The following CLSTN1 variants were observed in gnomAD, a reference collection of about 807,000 sequenced individuals.
The protein encoded by CLSTN1 is calsyntenin-1.
In CLSTN1, 28 loss-of-function variants were observed where a neutral mutation model predicts 108.3. The ratio of observed to expected loss-of-function variants is 0.26; its 90% confidence interval spans 0.19 to 0.35. CLSTN1 has a LOEUF of 0.35. Ranked by LOEUF, CLSTN1 falls within the 10% of genes least tolerant of loss-of-function variation. The pLI is 1.00. For synonymous variants in CLSTN1, 524 were observed against 534.9 expected, an observed-to-expected ratio of 0.98 and a Z score of 0.28; for missense variants, 1,157 against 1,302.6, an observed-to-expected ratio of 0.89 and a Z score of 1.72.
intron 1 of CLSTN1, among the ~76,000 whole-genome samples, chr1:9,775,282 T>G (rs1003492707): frequency 3.3e-5 from 5 of 151,750 alleles, no homozygotes; most frequent in African/African-American, 1.2e-4. Context: ...CTGGTTCAAA[T>G]GCCTCTGACA....
At position 9,741,096 on chromosome 1, in the gene CLSTN1, T is replaced by C; in HGVS notation, c.1517A>G (p.Gln506Arg). 1 of 1,612,588 alleles carries C rather than the reference T, an allele frequency of 6.2e-7. No homozygotes were observed. Among genetic ancestry groups the C allele is most frequent in the East Asian group, 2.2e-5 (1 of 44,848 alleles). The change falls in exon 10 of 19, where the codon CAA becomes CGA. Residue 506 changes from glutamine to arginine, a missense_variant and splice_region_variant. Gln to Arg is a conservative substitution (Grantham distance 43, BLOSUM62 1). Coordinates refer to ENST00000377298, the MANE Select transcript of CLSTN1 (RefSeq NM_001009566.3). ...ETQLVVGACW[Q>R]EFSGVENDNE... is the part of the protein sequence containing the mutation. ...GGGCGGGGGGTAATGACAGGTACCT[T>C]GCCAGCAAGCCCCCACCACGAGCTG...
At chr1:9,757,291 G>C (rs1651862395) in intron 2 of CLSTN1, among the ~76,000 whole-genome samples, 2 of 150,768 alleles carry the variant, frequency 1.3e-5, no homozygotes, top group Non-Finnish European at 3.0e-5. Context: ...GCCCAGACTG[G>C]AGTGCAGTGG....
rs941667451 is a variant in CLSTN1, at chr1:9,734,650, G to A, written c.2110+298C>T. On this transcript the variant is annotated intron_variant, in intron 14 of 18. Coordinates refer to ENST00000377298, the MANE Select transcript of CLSTN1 (RefSeq NM_001009566.3). This position sits in a 1 kb window ranked among gnomAD's most constrained non-coding sequence, Gnocchi z 4.8. ...GGGGACATTGTGCCTCCATGGGCTG[G>A]CCAGCCTGGCAGGTGCAAGCAGTGT... Among the ~76,000 whole-genome samples the A allele has an allele frequency of 4.0e-5, 6 of 151,658 alleles. No individual in the cohort carries two copies. Among genetic ancestry groups the A allele is most frequent in the Admixed American group, 2.6e-4 (4 of 15,258 alleles).
At position 9,730,378 on chromosome 1, in the gene CLSTN1, G is replaced by T; in HGVS notation, c.*130C>A. 1.2e-6 allele frequency: 1 copy of T among 826,112 alleles called. No individual in the cohort carries two copies. The highest frequency in any genetic ancestry group is 2.0e-6 in the Non-Finnish European group (1 of 497,544). The allele number at this position is 826,112 out of a possible 1,614,324, so 51.2% of individuals were successfully genotyped here. On this transcript the variant is annotated 3_prime_UTR_variant, in exon 19 of 19. Transcript: ENST00000377298. This position sits in a 1 kb window ranked among gnomAD's most constrained non-coding sequence, Gnocchi z 5.6. ...GGTCCTACACACCAAGCACAGCGAC[G>T]ATCGTGGCGGGGAGGGGTCTGCACA...
intron 2 of CLSTN1, among the ~76,000 whole-genome samples, chr1:9,766,266 C>T (rs1021001268): frequency 6.6e-6 from 1 of 152,146 alleles, no homozygotes; most frequent in Non-Finnish European, 1.5e-5. Context: ...AGAGGAGGCA[C>T]GGCTTCTGAC....
chr1:9,765,632 C>A (rs1177935702), intron 2 of CLSTN1, among the ~76,000 whole-genome samples: 2 of 152,024 alleles, frequency 1.3e-5, no homozygotes, highest in Admixed American at 1.3e-4. Flanking sequence ...GTAATCCCAG[C>A]ACTCTGGGAG....
At chr1:9,744,045 A>C in intron 8 of CLSTN1, 40 bp from the exon 9 acceptor site, 1 of 1,601,578 alleles carries the variant, frequency 6.2e-7, no homozygotes, top group Non-Finnish European at 8.5e-7. Context: ...CCAACTAAAG[A>C]TCCAAAGGAG....
chr1:9,807,058 A>G (rs1001301755), intron 1 of CLSTN1, among the ~76,000 whole-genome samples: 16 of 151,928 alleles, frequency 1.1e-4, no homozygotes, highest in African/African-American at 3.6e-4. Context: ...TCCCCGGGAC[A>G]CTGGTGCCAC....
chr1:9,732,486 C>T (rs1050264985), intron 16 of CLSTN1, among the ~76,000 whole-genome samples: 5 of 152,240 alleles, frequency 3.3e-5, no homozygotes, highest in Admixed American at 6.5e-5. Flanking sequence ...CCTCAAATCA[C>T]AGCCGTGTGA....
At position 9,823,366 on chromosome 1, in the gene CLSTN1, G is replaced by T. The variant is rs934186790; in HGVS notation, c.91+277C>A. ...GGGGCAGCCCAGGCTCAGGAGCCCC[G>T]CCCGGGACGGAGCCTGGCTTCCCCG... On this transcript the variant is annotated intron_variant, in intron 1 of 18. Transcript: ENST00000377298. The surrounding 1 kb of genome is among the most constrained non-coding windows in gnomAD (Gnocchi z 6.3). 6.6e-6 allele frequency among the ~76,000 whole-genome samples: 1 copy of T among 152,090 alleles called. No homozygotes were observed.
intron 2 of CLSTN1, among the ~76,000 whole-genome samples, chr1:9,770,385 A>C (rs1652612266): frequency 6.6e-6 from 1 of 152,250 alleles, no homozygotes; most frequent in African/African-American, 2.4e-5. Context: ...TATTTCATTG[A>C]TAAGACTTTT....
intron 2 of CLSTN1, 139 bp downstream of exon 2, chr1:9,773,132 AC>A (rs1277209501): frequency 8.6e-7 from 1 of 1,158,292 alleles, no homozygotes; most frequent in Non-Finnish European, 1.2e-6. Flanking sequence ...GGAAAAAAAA[AC>A]ATGCTACAAA....
intron 1 of CLSTN1, among the ~76,000 whole-genome samples, chr1:9,811,621 T>C (rs1654758886): frequency 6.6e-6 from 1 of 152,014 alleles, no homozygotes; most frequent in African/African-American, 2.4e-5. Flanking sequence ...ACCCCCACTG[T>C]TCCTTTAATA....
chr1:9,775,999 G>A (rs550131859), intron 1 of CLSTN1, among the ~76,000 whole-genome samples: 1 of 148,498 alleles, frequency 6.7e-6, no homozygotes, highest in Non-Finnish European at 1.5e-5. Context: ...TTGAGATGGA[G>A]CCTTGCTCTG....
chr1:9,785,589 G>A (rs982086737), intron 1 of CLSTN1, among the ~76,000 whole-genome samples: 20 of 152,168 alleles, frequency 1.3e-4, no homozygotes, highest in Middle Eastern at 6.8e-3. Context: ...CTGGATGTCC[G>A]CGGCCTCCCC....
intron 2 of CLSTN1, among the ~76,000 whole-genome samples, chr1:9,767,492 C>T (rs547229177): frequency 6.6e-6 from 1 of 151,642 alleles, no homozygotes; most frequent in South Asian, 2.1e-4. Context: ...TTGCAGTGAG[C>T]CGAGATAGCA....
At chr1:9,770,297 C>T (rs987119463) in intron 2 of CLSTN1, among the ~76,000 whole-genome samples, 4 of 152,188 alleles carry the variant, frequency 2.6e-5, no homozygotes, top group Admixed American at 1.3e-4. Flanking sequence ...AAAAAATAAA[C>T]TTGTATAAGT....
intron 2 of CLSTN1, among the ~76,000 whole-genome samples, chr1:9,763,242 G>C (rs1277125996): frequency 1.3e-5 from 2 of 152,166 alleles, no homozygotes; most frequent in Admixed American, 6.6e-5. Flanking sequence ...GATTACAGGT[G>C]TGAACCACTG....
At chr1:9,795,661 T>G (rs1014543938) in intron 1 of CLSTN1, among the ~76,000 whole-genome samples, 1 of 151,250 alleles carries the variant, frequency 6.6e-6, no homozygotes, top group Non-Finnish European at 1.5e-5. Context: ...TTTAAGGAAA[T>G]AAAGGACACT....
Sources: gnomAD v4.1 joint callset for allele counts (sites outside exome capture counted in the v4.1 genomes callset) on GRCh38, gnomAD v4.1.1 for gene constraint, Gnocchi (gnomAD v3.1) non-coding constraint, MANE v1.5 for transcripts, NCBI Gene and HGNC (gene_info 2026-07-23, HGNC 2026-07-21) for gene names.